Variants in CSMD1 observed in about 807,000 individuals in gnomAD.
CSMD1 encodes CUB and Sushi multiple domains 1, also known as CUB and sushi domain-containing protein 1.
A neutral mutation model predicts 417.5 loss-of-function variants in CSMD1; 213 were observed. The ratio of observed to expected loss-of-function variants is 0.51; its 90% CI spans 0.46 to 0.57. CSMD1 has a LOEUF of 0.57. CSMD1 is among the 20% of genes least tolerant of loss of function. The probability of loss-of-function intolerance (pLI) is 0.00; values close to 1 mark genes in which losing one functional copy is unlikely to be tolerated. For missense variants in CSMD1, 6,923 were observed against 4,529.7 expected, an observed-to-expected ratio of 1.53 and a Z score of -15.17; for synonymous variants, 2,862 against 1,736.8, an observed-to-expected ratio of 1.65 and a Z score of -16.11.
At chr8:3,600,373 A>G (rs1203859033) in intron 8 of CSMD1, among the ~76,000 whole-genome samples, 2 of 152,174 alleles carry the variant, frequency 1.3e-5, no homozygotes, top group Admixed American at 1.3e-4. Context: ...TTGATAAACC[A>G]TCTAACTAGC....
At chr8:3,768,992 G>A (rs1798434755) in intron 5 of CSMD1, among the ~76,000 whole-genome samples, 1 of 152,238 alleles carries the variant, frequency 6.6e-6, no homozygotes, top group African/African-American at 2.4e-5. Context: ...TTCCCGCACA[G>A]CAGGCCCACA....
chr8:4,394,067 T>A (rs781302095), intron 3 of CSMD1, among the ~76,000 whole-genome samples: 1 of 152,158 alleles, frequency 6.6e-6, no homozygotes, highest in Non-Finnish European at 1.5e-5. Flanking sequence ...GTTACTCATA[T>A]CTGAAACAAA....
intron 3 of CSMD1, among the ~76,000 whole-genome samples, chr8:4,195,258 C>A (rs887992802): frequency 6.6e-6 from 1 of 152,132 alleles, no homozygotes; most frequent in Non-Finnish European, 1.5e-5. Context: ...TTTTAAGAGA[C>A]AGGGTCTTGC....
intron 5 of CSMD1, among the ~76,000 whole-genome samples, chr8:3,915,697 G>A (rs1458905970): frequency 6.6e-6 from 1 of 150,972 alleles, no homozygotes; most frequent in African/African-American, 2.4e-5. Flanking sequence ...CTCTATCTCT[G>A]TTATAATTTA....
intron 21 of CSMD1, among the ~76,000 whole-genome samples, chr8:3,354,685 A>G (rs186347660): frequency 1.3e-5 from 2 of 151,922 alleles, no homozygotes. Flanking sequence ...ATTAGCTTTT[A>G]AGAAGCAACA....
At chr8:3,254,903 A>G (rs1268326229) in intron 26 of CSMD1, among the ~76,000 whole-genome samples, 1 of 151,924 alleles carries the variant, frequency 6.6e-6, no homozygotes, top group East Asian at 1.9e-4. Flanking sequence ...GCTTTGTTCC[A>G]TTGTTGGTGA....
intron 51 of CSMD1, among the ~76,000 whole-genome samples, chr8:3,021,078 A>G: frequency 6.6e-6 from 1 of 152,350 alleles, no homozygotes; most frequent in African/African-American, 2.4e-5. Context: ...TGCTTGCCAG[A>G]AAATAACAAT....
At chr8:3,426,881 AAGGAAAG>A (rs1813876946) in intron 12 of CSMD1, among the ~76,000 whole-genome samples, 1 of 152,164 alleles carries the variant, frequency 6.6e-6, no homozygotes, top group African/African-American at 2.4e-5. Context: ...GTAGTTTATA[AAGGAAAG>A]AGGTTTAATT....
rs192481710 is a variant in CSMD1 at position 4,954,409 on chromosome 8, G to C, written c.85+39923C>G. ...GTTTTCTGATTGAAGCTGTTTCCAG[G>C]TTAGCACTCCCAATGCTGTGCACAA... On this transcript the variant is annotated intron_variant, in intron 1 of 69. Coordinates refer to ENST00000635120, the MANE Select transcript of CSMD1 (RefSeq NM_033225.6). Among the ~76,000 whole-genome samples, 32 of 152,150 alleles carry C rather than the reference G, an allele frequency of 2.1e-4. No homozygotes were observed. The East Asian group carries it at 3.9e-3, about 18-fold the overall frequency.
chr8:3,347,519 C>G (rs1198358064), intron 22 of CSMD1, among the ~76,000 whole-genome samples: 1 of 152,188 alleles, frequency 6.6e-6, no homozygotes, highest in Non-Finnish European at 1.5e-5. Context: ...CAGAACCTTT[C>G]CAGCTTTCCA....
At chr8:4,257,731 G>T (rs1049580678) in intron 3 of CSMD1, among the ~76,000 whole-genome samples, 1 of 152,156 alleles carries the variant, frequency 6.6e-6, no homozygotes, top group African/African-American at 2.4e-5. Flanking sequence ...ATACCTCTCT[G>T]CTTCCGCTTT....
intron 3 of CSMD1, among the ~76,000 whole-genome samples, chr8:4,213,741 G>A (rs907838083): frequency 1.3e-5 from 2 of 152,200 alleles, no homozygotes; most frequent in Non-Finnish European, 2.9e-5. Context: ...TGGGAATGGG[G>A]TAGAACATGG....
At chr8:3,799,206 C>T in intron 5 of CSMD1, among the ~76,000 whole-genome samples, 1 of 151,896 alleles carries the variant, frequency 6.6e-6, no homozygotes, top group East Asian at 1.9e-4. Flanking sequence ...TAGCACATAA[C>T]TTACCTTTCA....
intron 20 of CSMD1, among the ~76,000 whole-genome samples, chr8:3,364,688 C>T (rs967719065): frequency 1.3e-5 from 2 of 152,256 alleles, no homozygotes; most frequent in Non-Finnish European, 2.9e-5. Context: ...GGGATATGGG[C>T]GATTCTCCCC....
chr8:4,704,625 C>G (rs1223634019), intron 1 of CSMD1, among the ~76,000 whole-genome samples: 1 of 152,182 alleles, frequency 6.6e-6, no homozygotes, highest in Non-Finnish European at 1.5e-5. Context: ...CTGTACATTT[C>G]TTCTTTTAAC....
intron 5 of CSMD1, among the ~76,000 whole-genome samples, chr8:3,858,867 G>A (rs528853234): frequency 2.0e-5 from 3 of 152,196 alleles, no homozygotes; most frequent in Admixed American, 6.5e-5. Context: ...TGCTCCAGTA[G>A]GATCAGGTTT....
intron 3 of CSMD1, among the ~76,000 whole-genome samples, chr8:4,325,626 T>C (rs1325547077): frequency 1.3e-5 from 2 of 152,090 alleles, no homozygotes; most frequent in Admixed American, 6.6e-5. Flanking sequence ...ATCTGAAGAT[T>C]TTTTCCCAAA....
intron 11 of CSMD1, among the ~76,000 whole-genome samples, chr8:3,484,729 C>G (rs1256395102): frequency 6.6e-6 from 1 of 152,162 alleles, no homozygotes; most frequent in Non-Finnish European, 1.5e-5. Flanking sequence ...AAAGAATTCT[C>G]CAAACTTAGT....
intron 5 of CSMD1, among the ~76,000 whole-genome samples, chr8:3,904,186 C>T (rs1258640802): frequency 4.6e-5 from 7 of 152,048 alleles, no homozygotes; most frequent in Admixed American, 2.0e-4. Context: ...TCTGGAGAAC[C>T]GGCCTGTGTC....
Sources: gnomAD v4.1 joint callset for allele counts (sites outside exome capture counted in the v4.1 genomes callset) on GRCh38, gnomAD v4.1.1 for gene constraint, MANE v1.5 for transcripts, NCBI Gene and HGNC (gene_info 2026-07-23, HGNC 2026-07-21) for gene names.